The following RABEP1 variants were observed in gnomAD, a reference collection of about 807,000 sequenced individuals.
RABEP1 encodes the protein rabaptin, RAB GTPase binding effector protein 1.
Under a neutral mutation model 123.4 loss-of-function variants are expected in RABEP1, and 51 were observed. That is an observed-to-expected ratio of 0.41 (90% CI 0.33 to 0.52). The LOEUF (loss-of-function observed/expected upper bound fraction) is 0.52, where lower values mean the gene tolerates loss of function less well. RABEP1 is among the 20% of genes least tolerant of loss of function. The probability of loss-of-function intolerance (pLI) is 0.16; values close to 1 mark genes in which losing one functional copy is unlikely to be tolerated. For missense variants in RABEP1, 888 were observed against 996.3 expected, an observed-to-expected ratio of 0.89 and a Z score of 1.46; for synonymous variants, 347 against 355.2, an observed-to-expected ratio of 0.98 and a Z score of 0.26.
intron 5 of RABEP1, among the ~76,000 whole-genome samples, chr17:5,340,505 G>T (rs986814889): frequency 1.3e-5 from 2 of 152,002 alleles, no homozygotes; most frequent in Non-Finnish European, 2.9e-5. Flanking sequence ...AGGTTACACA[G>T]ACCCAATTCT....
chr17:5,347,411 AAAC>A (rs1268052148), intron 6 of RABEP1, among the ~76,000 whole-genome samples: 1 of 11,660 alleles, frequency 8.6e-5, no homozygotes, highest in Non-Finnish European at 1.1e-4. Flanking sequence ...CTTCATCTCA[AAAC>A]AAACAAACAA....
At chr17:5,355,574 T>A (rs980743191) in intron 8 of RABEP1, among the ~76,000 whole-genome samples, 4 of 152,168 alleles carry the variant, frequency 2.6e-5, no homozygotes, top group Non-Finnish European at 5.9e-5. Context: ...AGAATCACAC[T>A]CACTTCCCTG....
chr17:5,338,687 TA>T (rs1435913792), intron 5 of RABEP1, among the ~76,000 whole-genome samples: 33 of 152,364 alleles, frequency 2.2e-4, no homozygotes, highest in East Asian at 1.9e-4. Context: ...GTCACAAAGT[TA>T]ATGTTCATTT....
intron 1 of RABEP1, among the ~76,000 whole-genome samples, chr17:5,304,587 A>G (rs571475342): frequency 3.2e-3 from 458 of 144,910 alleles, no homozygotes; most frequent in Middle Eastern, 0.011. Context: ...TGTCTCAAGG[A>G]AAAAAAAAAA....
chr17:5,293,066 G>C (rs913963956), intron 1 of RABEP1, among the ~76,000 whole-genome samples: 2 of 152,110 alleles, frequency 1.3e-5, no homozygotes, highest in Admixed American at 1.3e-4. Flanking sequence ...GAGGCAGGTG[G>C]ATCCCTTGAG....
At chr17:5,367,333 A>T (rs183321273) in intron 11 of RABEP1, among the ~76,000 whole-genome samples, 1 of 151,458 alleles carries the variant, frequency 6.6e-6, no homozygotes. Context: ...GTGCAGTGGC[A>T]CGATCTTGGC....
At chr17:5,316,449 CAAAAAAAAAA>C (rs386385498) in intron 2 of RABEP1, among the ~76,000 whole-genome samples, 8 of 28,584 alleles carry the variant, frequency 2.8e-4, no homozygotes, top group South Asian at 5.6e-3. Context: ...GACTCTGTCT[CAAAAAAAAAA>C]AAAAAAAAAA....
In RABEP1 at chr17:5,314,234, C is replaced by CTTTTTTTTTTTTTTTTTTTTTTTTTTTT. The variant is rs71151864; in HGVS notation, c.163+5438_163+5439insTTTTTTTTTTTTTTTTTTTTTTTTTTTT. On this transcript the variant is annotated intron_variant, in intron 2 of 17. Transcript: ENST00000537505. ...GCCTGTTCTTTTCTTAGTACCTATT[C>CTTTTTTTTTTTTTTTTTTTTTTTTTTTT]TTTTTTTTTTTTTTTTTTTTTTTTT... Among the ~76,000 whole-genome samples the CTTTTTTTTTTTTTTTTTTTTTTTTTTTT allele has an allele frequency of 3.6e-5, 2 of 55,560 alleles. 1 individual carries two copies. Among genetic ancestry groups the CTTTTTTTTTTTTTTTTTTTTTTTTTTTT allele is most frequent in the African/African-American group, 1.4e-4 (2 of 14,514 alleles). The allele number at this position is 55,560 out of a possible 152,430, so 36.4% of individuals were successfully genotyped here. A position where few individuals can be genotyped will look rare whatever the true frequency, so the allele number is the denominator to read the frequency against.
At chr17:5,313,997 A>G (rs1473767763) in intron 2 of RABEP1, among the ~76,000 whole-genome samples, 1 of 152,200 alleles carries the variant, frequency 6.6e-6, no homozygotes, top group Non-Finnish European at 1.5e-5. Context: ...TGTTTACAGT[A>G]TAAACCAGGA....
intron 2 of RABEP1, among the ~76,000 whole-genome samples, chr17:5,330,751 G>A (rs908348509): frequency 9.2e-5 from 14 of 151,990 alleles, no homozygotes; most frequent in African/African-American, 3.4e-4. Context: ...GGCCGGGCGC[G>A]GTGGCTCACA....
intron 7 of RABEP1, 118 bp downstream of exon 7, chr17:5,350,747 A>G (rs1908473377): frequency 6.4e-6 from 7 of 1,095,004 alleles, no homozygotes; most frequent in South Asian, 1.5e-5. Context: ...GATAAAGGTG[A>G]TATGTGCCAC....
At chr17:5,309,677 G>T (rs556071939) in intron 2 of RABEP1, among the ~76,000 whole-genome samples, 42 of 150,210 alleles carry the variant, frequency 2.8e-4, no homozygotes, top group Non-Finnish European at 5.0e-4. Flanking sequence ...AAAAGAAAAA[G>T]AAACTGTATA....
At chr17:5,341,894 A>G (rs919127905) in intron 5 of RABEP1, among the ~76,000 whole-genome samples, 1 of 152,242 alleles carries the variant, frequency 6.6e-6, no homozygotes, top group African/African-American at 2.4e-5. Flanking sequence ...GTAAAGGGCT[A>G]TTTATCAAAC....
intron 1 of RABEP1, among the ~76,000 whole-genome samples, chr17:5,286,137 C>T (rs965225050): frequency 1.3e-5 from 2 of 152,104 alleles, no homozygotes; most frequent in South Asian, 2.1e-4. Flanking sequence ...GTGGATTTCC[C>T]CTGTAATCCT....
chr17:5,289,079 C>T (rs1212470432), intron 1 of RABEP1, among the ~76,000 whole-genome samples: 2 of 152,064 alleles, frequency 1.3e-5, no homozygotes, highest in Non-Finnish European at 2.9e-5. Flanking sequence ...TATTGGCTGG[C>T]TGGCTTGCTT....
intron 3 of RABEP1, 94 bp from the exon 4 acceptor site, chr17:5,335,090 C>T (rs532307703): frequency 1.9e-5 from 20 of 1,039,734 alleles, no homozygotes; most frequent in South Asian, 1.0e-4. Flanking sequence ...AGAAATTAGA[C>T]GTAAGCTTTT....
intron 3 of RABEP1, among the ~76,000 whole-genome samples, chr17:5,334,553 A>T (rs1906877427): frequency 6.6e-6 from 1 of 151,984 alleles, no homozygotes; most frequent in Non-Finnish European, 1.5e-5. Context: ...TTTGGTAGAG[A>T]TGGGGTTTTG....
chr17:5,363,093 G>A (rs746425433), intron 10 of RABEP1, 77 bp downstream of exon 10: 156 of 1,047,772 alleles, frequency 1.5e-4, no homozygotes, highest in Middle Eastern at 8.0e-4. Context: ...CCCCCTCTCC[G>A]GCCCCAGCCC....
chr17:5,380,567 T>C, intron 16 of RABEP1, 105 bp downstream of exon 16: 1 of 1,029,312 alleles, frequency 9.7e-7, no homozygotes, highest in Non-Finnish European at 1.5e-6. Flanking sequence ...GTGTCACCTT[T>C]TAAAAAGTTG....
Sources: allele counts gnomAD v4.1 joint callset (sites outside exome capture counted in the v4.1 genomes callset), GRCh38; gene constraint gnomAD v4.1.1; transcripts MANE v1.5; gene names NCBI Gene and HGNC (gene_info 2026-07-23, HGNC 2026-07-21).